PRDM1: variants seen among roughly 807,000 people sequenced by gnomAD.
The protein encoded by PRDM1 is PR/SET domain 1, also known as PR domain zinc finger protein 1.
In PRDM1, 13 loss-of-function variants were observed where a neutral mutation model predicts 62.8. The ratio of observed to expected loss-of-function variants is 0.21; its 90% confidence interval spans 0.13 to 0.33. PRDM1 has a LOEUF of 0.33. Among genes scored for constraint, PRDM1 ranks in the 10% least tolerant of loss-of-function variants. PRDM1 has a pLI of 1.00. For missense variants in PRDM1, 895 were observed against 1,058.8 expected, an observed-to-expected ratio of 0.85 and a Z score of 2.15; for synonymous variants, 396 against 417.6, an observed-to-expected ratio of 0.95 and a Z score of 0.63.
upstream of PRDM1, among the ~76,000 whole-genome samples, chr6:106,047,656 G>C (rs1452076149): frequency 6.6e-6 from 1 of 152,168 alleles, no homozygotes; most frequent in Non-Finnish European, 1.5e-5. Flanking sequence ...ATTTCTTATA[G>C]TGGTTGCACC....
chr6:106,089,999 T>A (rs1016746608), intron 2 of PRDM1, among the ~76,000 whole-genome samples: 2 of 152,250 alleles, frequency 1.3e-5, no homozygotes, highest in African/African-American at 2.4e-5. Context: ...CTTAAGTTTT[T>A]CAATTTCCGT....
intron 4 of PRDM1, among the ~76,000 whole-genome samples, chr6:106,104,492 A>T (rs922058045): frequency 6.6e-6 from 1 of 152,186 alleles, no homozygotes; most frequent in African/African-American, 2.4e-5. Flanking sequence ...ATTACAGGCA[A>T]GAGCCACTGC....
chr6:106,039,951 C>T (rs972003743), intron 1 of PRDM1, among the ~76,000 whole-genome samples: 1 of 152,210 alleles, frequency 6.6e-6, no homozygotes, highest in African/African-American at 2.4e-5. Flanking sequence ...ATTTTTCTGG[C>T]CTGTCCACCT....
chr6:106,014,705 A>G (rs1158428576), intron 1 of PRDM1, among the ~76,000 whole-genome samples: 3 of 151,440 alleles, frequency 2.0e-5, no homozygotes, highest in Non-Finnish European at 1.5e-5. Flanking sequence ...CAGTTAATCT[A>G]TAATCATCAC....
At chr6:106,021,049 G>T (rs769325315) in intron 1 of PRDM1, among the ~76,000 whole-genome samples, 19 of 152,154 alleles carry the variant, frequency 1.2e-4, no homozygotes, top group Non-Finnish European at 2.1e-4. Flanking sequence ...ACAGTAAAAA[G>T]TAGGCCATTC....
At chr6:106,009,031 A>G (rs942129062) in intron 1 of PRDM1, among the ~76,000 whole-genome samples, 1 of 152,068 alleles carries the variant, frequency 6.6e-6, no homozygotes, top group Admixed American at 6.6e-5. Context: ...CAGGCCCCTC[A>G]CGGCAGTGGT....
Position 105,994,424 on chromosome 6 carries a change from C to G in PRDM1, c.-67+785C>G, listed in dbSNP as rs1226783609. On this transcript the variant is annotated intron_variant, in intron 1 of 6. Coordinates refer to the PRDM1 transcript ENST00000652320. The surrounding 1 kb of genome is among the most constrained non-coding windows in gnomAD (Gnocchi z 4.1). ...CTACAGCGACGCTTCCGCTGGAAGACGAGCGGGGACGCGTGACAGCGCGGG... is the reference window on the plus strand; with the variant it reads ...CTACAGCGACGCTTCCGCTGGAAGAGGAGCGGGGACGCGTGACAGCGCGGG... 2.6e-5 allele frequency among the ~76,000 whole-genome samples: 4 copies of G among 151,680 alleles called. 1 individual carries two copies. The highest frequency in any genetic ancestry group is 9.7e-5 in the African/African-American group (4 of 41,318).
At chr6:105,995,590 G>T (rs1314171804) in intron 1 of PRDM1, among the ~76,000 whole-genome samples, 4 of 152,096 alleles carry the variant, frequency 2.6e-5, no homozygotes, top group African/African-American at 9.7e-5. Context: ...ATAATAAAAT[G>T]TACACTAGAT....
chr6:106,008,526 T>C (rs1292218930), intron 1 of PRDM1, among the ~76,000 whole-genome samples: 1 of 152,194 alleles, frequency 6.6e-6, no homozygotes, highest in Non-Finnish European at 1.5e-5. Context: ...GTGTCTCCTT[T>C]ATAACATTTG....
intron 1 of PRDM1, among the ~76,000 whole-genome samples, chr6:106,000,432 C>T (rs1354942971): frequency 6.6e-6 from 1 of 151,978 alleles, no homozygotes; most frequent in African/African-American, 2.4e-5. Flanking sequence ...TCACTCCAGC[C>T]TGGGCAACAC....
chr6:106,038,014 C>CTTTTTTGTTTTTTTTT, intron 1 of PRDM1, among the ~76,000 whole-genome samples: 1 of 47,800 alleles, frequency 2.1e-5, no homozygotes, highest in Non-Finnish European at 3.5e-5. Context: ...CTATTTTTGT[C>CTTTTTTGTTTTTTTTT]TTTTTTTTTT....
intron 1 of PRDM1, among the ~76,000 whole-genome samples, chr6:106,022,745 C>G (rs1772709422): frequency 6.6e-6 from 1 of 151,968 alleles, no homozygotes; most frequent in South Asian, 2.1e-4. Context: ...TTAAAGAGAC[C>G]AGGTCTCACT....
chr6:105,993,870 A>T (rs1772315276), intron 1 of PRDM1, among the ~76,000 whole-genome samples: 1 of 152,200 alleles, frequency 6.6e-6, no homozygotes. Context: ...CGGAGTAGAA[A>T]GGGACGTTGG....
intron 2 of PRDM1, among the ~76,000 whole-genome samples, chr6:106,091,889 G>A (rs1773971826): frequency 6.6e-6 from 1 of 152,100 alleles, no homozygotes; most frequent in African/African-American, 2.4e-5. Flanking sequence ...TGAAGGTCTT[G>A]GTCACTACTG....
chr6:106,048,426 T>C (rs924654979), upstream of PRDM1, among the ~76,000 whole-genome samples: 2 of 151,948 alleles, frequency 1.3e-5, no homozygotes, highest in African/African-American at 4.8e-5. Flanking sequence ...AATATGAGTG[T>C]GTAGTTATGG....
intron 1 of PRDM1, among the ~76,000 whole-genome samples, chr6:106,030,493 T>C (rs940116937): frequency 6.6e-6 from 1 of 152,146 alleles, no homozygotes; most frequent in Non-Finnish European, 1.5e-5. Context: ...TCTTAATGTC[T>C]TTTCAAAACC....
chr6:106,100,810 C>T (rs1277189569), intron 4 of PRDM1, among the ~76,000 whole-genome samples: 1 of 152,126 alleles, frequency 6.6e-6, no homozygotes, highest in Non-Finnish European at 1.5e-5. Flanking sequence ...GTTTGGGGTC[C>T]TTACACAACA....
intron 1 of PRDM1, among the ~76,000 whole-genome samples, chr6:106,054,953 A>G (rs533631254): frequency 6.6e-6 from 1 of 152,332 alleles, no homozygotes; most frequent in East Asian, 1.9e-4. Context: ...GACATTTCAT[A>G]CACATCATTT....
intron 1 of PRDM1, among the ~76,000 whole-genome samples, chr6:106,028,387 A>G (rs1772794655): frequency 6.6e-6 from 1 of 152,226 alleles, no homozygotes; most frequent in South Asian, 2.1e-4. Flanking sequence ...AGAATTATAC[A>G]TGGCCTCTCT....
Sources: gnomAD v4.1 joint callset for allele counts (sites outside exome capture counted in the v4.1 genomes callset) on GRCh38, gnomAD v4.1.1 for gene constraint, Gnocchi (gnomAD v3.1) non-coding constraint, MANE v1.5 for transcripts, NCBI Gene and HGNC (gene_info 2026-07-23, HGNC 2026-07-21) for gene names.